Variants in EXT1 observed in about 807,000 individuals in gnomAD.
EXT1 encodes exostosin-1.
A neutral mutation model predicts 82.5 loss-of-function variants in EXT1; 20 were observed. That is an observed-to-expected ratio of 0.24 (90% confidence interval 0.17 to 0.35). EXT1 has a LOEUF of 0.35. Among genes scored for constraint, EXT1 ranks in the 10% least tolerant of loss-of-function variants. EXT1 has a pLI of 1.00. For missense variants in EXT1, 757 were observed against 936.5 expected, an observed-to-expected ratio of 0.81 and a Z score of 2.50; for synonymous variants, 348 against 350.8, an observed-to-expected ratio of 0.99 and a Z score of 0.09.
intron 1 of EXT1, among the ~76,000 whole-genome samples, chr8:117,925,086 G>A (rs1022028129): frequency 6.6e-6 from 1 of 152,100 alleles, no homozygotes; most frequent in Admixed American, 6.5e-5. Context: ...AAGAAACCAC[G>A]ATAATGCTAT....
intron 1 of EXT1, among the ~76,000 whole-genome samples, chr8:118,048,027 A>T (rs1302541948): frequency 6.7e-6 from 1 of 148,426 alleles, no homozygotes; most frequent in African/African-American, 2.5e-5. Flanking sequence ...ATTAATATTA[A>T]AAAAAAAAAA....
At chr8:118,069,364 C>T (rs1195025549) in intron 1 of EXT1, among the ~76,000 whole-genome samples, 1 of 152,212 alleles carries the variant, frequency 6.6e-6, no homozygotes, top group Non-Finnish European at 1.5e-5. Flanking sequence ...CCACAGTGCT[C>T]TTCAGCCCAG....
intron 1 of EXT1, among the ~76,000 whole-genome samples, chr8:117,909,003 G>A (rs970546876): frequency 2.0e-5 from 3 of 151,242 alleles, no homozygotes; most frequent in African/African-American, 7.3e-5. Context: ...GTGGTTGTAC[G>A]CGCCTGTAAT....
At chr8:117,824,564 C>T (rs1252341937) in intron 4 of EXT1, among the ~76,000 whole-genome samples, 3 of 152,142 alleles carry the variant, frequency 2.0e-5, no homozygotes, top group Non-Finnish European at 2.9e-5. Flanking sequence ...ATTATAACAA[C>T]GTCTCAGAAT....
chr8:117,992,662 C>A (rs1196116976), intron 1 of EXT1, among the ~76,000 whole-genome samples: 1 of 152,104 alleles, frequency 6.6e-6, no homozygotes, highest in African/African-American at 2.4e-5. Flanking sequence ...TCTTCACAGG[C>A]ACCTACTTTG....
In EXT1 at chr8:117,886,813, G is replaced by A. The variant is rs564072445; in HGVS notation, c.963-49612C>T. On this transcript the variant is annotated intron_variant, in intron 1 of 10. Coordinates refer to ENST00000378204, the MANE Select transcript of EXT1 (RefSeq NM_000127.3). ...CTGCTATGAAGTGGTGCTTAAATGG[G>A]CAAAATTATTCAAGGGCTTCAATCT... Among the ~76,000 whole-genome samples, 21 of 152,220 alleles carry A rather than the reference G, an allele frequency of 1.4e-4. No homozygotes were observed. In the East Asian group the frequency reaches 3.9e-3, roughly 28 times the overall value.
At chr8:117,989,313 T>C (rs192797668) in intron 1 of EXT1, among the ~76,000 whole-genome samples, 21 of 150,982 alleles carry the variant, frequency 1.4e-4, no homozygotes, top group African/African-American at 4.9e-4. Context: ...CTGGAGTACA[T>C]CAAAAGCCAG....
intron 1 of EXT1, among the ~76,000 whole-genome samples, chr8:117,932,744 G>A (rs1814085319): frequency 6.6e-6 from 1 of 152,110 alleles, no homozygotes; most frequent in Non-Finnish European, 1.5e-5. Context: ...TAGTTTCATC[G>A]AGATGACCCA....
At chr8:117,960,870 T>C (rs1814685065) in intron 1 of EXT1, among the ~76,000 whole-genome samples, 1 of 152,182 alleles carries the variant, frequency 6.6e-6, no homozygotes, top group African/African-American at 2.4e-5. Flanking sequence ...AGAAATCCTT[T>C]GTTTTTCAAA....
At chr8:118,021,436 GT>G (rs1299925607) in intron 1 of EXT1, among the ~76,000 whole-genome samples, 2 of 152,166 alleles carry the variant, frequency 1.3e-5, no homozygotes, top group Admixed American at 1.3e-4. Context: ...TGTCAGGGAG[GT>G]TTTGACATTA....
At chr8:117,975,017 G>C (rs1335416045) in intron 1 of EXT1, among the ~76,000 whole-genome samples, 1 of 152,154 alleles carries the variant, frequency 6.6e-6, no homozygotes, top group Non-Finnish European at 1.5e-5. Flanking sequence ...CAAGTCTTTG[G>C]GAACCTGTAC....
At chr8:117,919,432 C>T (rs1242702067) in intron 1 of EXT1, among the ~76,000 whole-genome samples, 2 of 151,948 alleles carry the variant, frequency 1.3e-5, no homozygotes, top group African/African-American at 4.8e-5. Flanking sequence ...TCAAGCAGTC[C>T]TCCCACCTTG....
In EXT1 at chr8:117,837,209, G is replaced by C; in HGVS notation, c.963-8C>G. 6.2e-7 allele frequency: 1 copy of C among 1,607,682 alleles called. No homozygotes were observed. The highest frequency in any genetic ancestry group is 1.7e-4 in the Middle Eastern group (1 of 6,058). ...ATTTCCCGATAATCATACCTAGAAA[G>C]AGAAGAGGAGTAAACAGCAAATGAA... On this transcript the variant is annotated splice_polypyrimidine_tract_variant and splice_region_variant and intron_variant, in intron 1 of 10. Coordinates refer to ENST00000378204, the MANE Select transcript of EXT1 (RefSeq NM_000127.3).
chr8:118,016,942 C>T (rs1816014705), intron 1 of EXT1, among the ~76,000 whole-genome samples: 1 of 152,148 alleles, frequency 6.6e-6, no homozygotes, highest in South Asian at 2.1e-4. Flanking sequence ...GACGTGTTCA[C>T]TTTGTGAAAA....
At position 117,874,954 on chromosome 8, in the gene EXT1, G is replaced by A. The variant is rs150900575; in HGVS notation, c.963-37753C>T. 3.3e-3 allele frequency among the ~76,000 whole-genome samples: 506 copies of A among 152,256 alleles called. 3 individuals are homozygous for A. Among genetic ancestry groups the A allele is most frequent in the African/African-American group, 0.012 (482 of 41,544 alleles). The stretch of plus-strand genomic sequence containing the variant: ...AGTCTCCTTTCTACACATATAAGGT[G>A]CAAAAATAAAAGATTTTAAACTGCA... On this transcript the variant is annotated intron_variant, in intron 1 of 10. Coordinates refer to ENST00000378204, the MANE Select transcript of EXT1 (RefSeq NM_000127.3).
intron 1 of EXT1, among the ~76,000 whole-genome samples, chr8:117,952,101 A>G (rs1257821022): frequency 1.3e-5 from 2 of 152,220 alleles, no homozygotes; most frequent in African/African-American, 2.4e-5. Flanking sequence ...CAGAACACAT[A>G]AAAACACAGC....
intron 1 of EXT1, among the ~76,000 whole-genome samples, chr8:117,905,046 T>C (rs1314927100): frequency 1.3e-5 from 2 of 152,172 alleles, no homozygotes. Flanking sequence ...AAATGTGTCT[T>C]TCAAAAAAGA....
rs1042042791 is a variant in EXT1, at chr8:118,087,108, T to C, written c.962+22977A>G. On this transcript the variant is annotated intron_variant, in intron 1 of 10. Transcript: ENST00000378204. Reference sequence around the variant, plus strand: ...TTCAAGGCTCGTGCCCAGCGCTGGATAGAAACAATGAAAACAGTCTTGGGA... The same window carrying C: ...TTCAAGGCTCGTGCCCAGCGCTGGACAGAAACAATGAAAACAGTCTTGGGA... Among the ~76,000 whole-genome samples the C allele has an allele frequency of 4.6e-5, 7 of 152,272 alleles. No homozygotes were observed. The South Asian group carries it at 6.2e-4, about 14-fold the overall frequency.
chr8:117,861,891 C>A lies in EXT1; in HGVS notation c.963-24690G>T, dbSNP rs1190877929. Among the ~76,000 whole-genome samples, 2 of 144,862 alleles carry A rather than the reference C, an allele frequency of 1.4e-5. 1 individual carries two copies. The highest frequency in any genetic ancestry group is 3.1e-5 in the Non-Finnish European group (2 of 64,572). On this transcript the variant is annotated intron_variant, in intron 1 of 10. Coordinates refer to ENST00000378204, the MANE Select transcript of EXT1 (RefSeq NM_000127.3). Reference sequence around the variant, plus strand: ...TGAGACATCTTGCAGAGAGGTAATCCCTAAATGATGCAAATCTGGTGAACA... The same window carrying A: ...TGAGACATCTTGCAGAGAGGTAATCACTAAATGATGCAAATCTGGTGAACA...
Sources: allele counts gnomAD v4.1 joint callset (sites outside exome capture counted in the v4.1 genomes callset), GRCh38; gene constraint gnomAD v4.1.1; transcripts MANE v1.5; gene names NCBI Gene and HGNC (gene_info 2026-07-23, HGNC 2026-07-21).